Variants in KHDRBS2 observed in about 807,000 individuals in gnomAD.
KHDRBS2 encodes the protein KH RNA binding domain containing, signal transduction associated 2, also known as KH domain-containing, RNA-binding, signal transduction-associated protein 2.
A neutral mutation model predicts 44.3 loss-of-function variants in KHDRBS2; 26 were observed. That is an observed-to-expected ratio of 0.59 (90% CI 0.43 to 0.81). The LOEUF (loss-of-function observed/expected upper bound fraction) is 0.81, where lower values mean the gene tolerates loss of function less well. Among genes scored for constraint, KHDRBS2 ranks in the 40% least tolerant of loss-of-function variants. The pLI is 0.00. For synonymous variants in KHDRBS2, 194 were observed against 151.1 expected (o/e 1.28, Z -2.08); for missense variants, 476 against 433.1 (o/e 1.10, Z -0.88).
chr6:62,066,086 T>A (rs995693744), intron 2 of KHDRBS2, among the ~76,000 whole-genome samples: 3 of 151,704 alleles, frequency 2.0e-5, no homozygotes, highest in African/African-American at 7.3e-5. Flanking sequence ...GTATTAGGGG[T>A]ACATTCTTCA....
At chr6:61,582,446 A>C in the KHDRBS2 span, among the ~76,000 whole-genome samples, 1 of 151,780 alleles carries the variant, frequency 6.6e-6, no homozygotes, top group South Asian at 2.1e-4. Context: ...TAATGCCAGA[A>C]TAGACTATTA....
the KHDRBS2 span, among the ~76,000 whole-genome samples, chr6:61,637,603 C>T: frequency 4.6e-5 from 7 of 152,036 alleles, no homozygotes; most frequent in South Asian, 2.1e-4. Context: ...CCTGAAGAAT[C>T]GCCACACTGA....
chr6:62,063,623 T>C (rs375409870), intron 2 of KHDRBS2, among the ~76,000 whole-genome samples: 3 of 150,750 alleles, frequency 2.0e-5, no homozygotes, highest in African/African-American at 7.3e-5. Context: ...ATTGATGGGA[T>C]GTATTTCAAA....
At position 62,283,338 on chromosome 6, in the gene KHDRBS2, C is replaced by CT. The variant is rs1263204346; in HGVS notation, c.91+2519dup. On this transcript the variant is annotated intron_variant, in intron 1 of 8. Transcript: ENST00000281156. ...CAACTAGTACTTTCAACCCCACAGC[C>CT]TTCAATTCTACATGAAGCACTGTCA... Among the ~76,000 whole-genome samples the CT allele has an allele frequency of 3.3e-5, 5 of 152,076 alleles. No individual in the cohort carries two copies. The East Asian group carries it at 9.6e-4, about 29-fold the overall frequency.
At chr6:61,576,140 T>G in the KHDRBS2 span, among the ~76,000 whole-genome samples, 2 of 151,996 alleles carry the variant, frequency 1.3e-5, no homozygotes, top group Non-Finnish European at 2.9e-5. Flanking sequence ...GGTATTTTGA[T>G]AGGGATTGCA....
chr6:61,684,441 C>T (rs1766612192), intron 8 of KHDRBS2, among the ~76,000 whole-genome samples: 1 of 151,772 alleles, frequency 6.6e-6, no homozygotes. Context: ...TAAAGACCCA[C>T]GAATGAACTT....
chr6:61,733,965 C>G (rs1774915021), intron 6 of KHDRBS2, among the ~76,000 whole-genome samples: 1 of 152,134 alleles, frequency 6.6e-6, no homozygotes, highest in African/African-American at 2.4e-5. Flanking sequence ...TGGAGGCTTA[C>G]AAATCTCTCT....
the KHDRBS2 span, among the ~76,000 whole-genome samples, chr6:61,657,862 A>T: frequency 2.0e-5 from 3 of 152,038 alleles, no homozygotes; most frequent in African/African-American, 7.2e-5. Flanking sequence ...TTTCTCCTAT[A>T]AGCTAATGAT....
At chr6:61,991,583 C>T (rs1776147122) in intron 3 of KHDRBS2, among the ~76,000 whole-genome samples, 1 of 152,144 alleles carries the variant, frequency 6.6e-6, no homozygotes, top group African/African-American at 2.4e-5. Context: ...CACTTCTGAG[C>T]CTTATGATGT....
At chr6:61,637,494 A>G in the KHDRBS2 span, among the ~76,000 whole-genome samples, 1 of 152,090 alleles carries the variant, frequency 6.6e-6, no homozygotes, top group African/African-American at 2.4e-5. Context: ...CAATAAACAT[A>G]TGTGTGCGTG....
intron 4 of KHDRBS2, among the ~76,000 whole-genome samples, chr6:61,949,877 T>C (rs1198279842): frequency 6.6e-6 from 1 of 152,096 alleles, no homozygotes; most frequent in Non-Finnish European, 1.5e-5. Flanking sequence ...ACCTCATGTT[T>C]TAAACTGGAA....
At chr6:61,816,026 T>G (rs902540016) in intron 6 of KHDRBS2, among the ~76,000 whole-genome samples, 1 of 152,126 alleles carries the variant, frequency 6.6e-6, no homozygotes, top group African/African-American at 2.4e-5. Flanking sequence ...AAGCCCAAAC[T>G]CACTCTACCA....
At chr6:62,075,501 T>A (rs9346035) in intron 2 of KHDRBS2, among the ~76,000 whole-genome samples, 2 of 151,710 alleles carry the variant, frequency 1.3e-5, no homozygotes, top group Non-Finnish European at 2.9e-5. Flanking sequence ...TTATACGCAC[T>A]TTAATGGCTT....
chr6:61,624,327 C>T, the KHDRBS2 span, among the ~76,000 whole-genome samples: 2 of 152,320 alleles, frequency 1.3e-5, no homozygotes, highest in East Asian at 3.9e-4. Flanking sequence ...GCTTATCCAG[C>T]TATTGGCACC....
At chr6:61,917,407 C>T (rs1583498126) in intron 4 of KHDRBS2, among the ~76,000 whole-genome samples, 1 of 151,782 alleles carries the variant, frequency 6.6e-6, no homozygotes, top group African/African-American at 2.4e-5. Flanking sequence ...AGGTCACATA[C>T]TATATGATTC....
the KHDRBS2 span, among the ~76,000 whole-genome samples, chr6:61,654,400 A>G: frequency 6.6e-6 from 1 of 151,908 alleles, no homozygotes; most frequent in Non-Finnish European, 1.5e-5. Context: ...TAAAGGGAAC[A>G]ATGATTGCTA....
chr6:62,175,945 A>G (rs1821004349), intron 2 of KHDRBS2, among the ~76,000 whole-genome samples: 1 of 151,394 alleles, frequency 6.6e-6, no homozygotes, highest in Non-Finnish European at 1.5e-5. Flanking sequence ...TCTGTCATTG[A>G]CTTTCCCATA....
chr6:61,871,900 A>G (rs1010221118), intron 6 of KHDRBS2, among the ~76,000 whole-genome samples: 1 of 144,322 alleles, frequency 6.9e-6, no homozygotes, highest in East Asian at 2.2e-4. Flanking sequence ...TCGTGAGTAC[A>G]CATGGACACA....
At chr6:61,956,038 C>G (rs1369718935) in intron 4 of KHDRBS2, among the ~76,000 whole-genome samples, 1 of 151,836 alleles carries the variant, frequency 6.6e-6, no homozygotes, top group African/African-American at 2.4e-5. Flanking sequence ...ACTGAAAATA[C>G]AAAAATTAGC....
Sources: allele counts gnomAD v4.1 joint callset (sites outside exome capture counted in the v4.1 genomes callset), GRCh38; gene constraint gnomAD v4.1.1; transcripts MANE v1.5; gene names NCBI Gene and HGNC (gene_info 2026-07-23, HGNC 2026-07-21).